THSD7B: variants seen among roughly 807,000 people sequenced by gnomAD.
The protein encoded by THSD7B is thrombospondin type 1 domain containing 7B.
A neutral mutation model predicts 213.6 loss-of-function variants in THSD7B; 138 were observed. That is an observed-to-expected ratio of 0.65 (90% CI 0.56 to 0.74). The LOEUF is 0.74. Among genes scored for constraint, THSD7B ranks in the 30% least tolerant of loss-of-function variants. The pLI is 0.00. For missense variants in THSD7B, 1,931 were observed against 1,991.5 expected, an observed-to-expected ratio of 0.97 and a Z score of 0.58; for synonymous variants, 742 against 687.0, an observed-to-expected ratio of 1.08 and a Z score of -1.25.
At chr2:136,929,361 T>C (rs536770415) in intron 2 of THSD7B, among the ~76,000 whole-genome samples, 101 of 152,338 alleles carry the variant, frequency 6.6e-4, no homozygotes, top group South Asian at 1.9e-3. Flanking sequence ...TTGCTATGAC[T>C]TCCCACTTCT....
chr2:136,943,684 A>G (rs1684874748), intron 2 of THSD7B, among the ~76,000 whole-genome samples: 1 of 152,148 alleles, frequency 6.6e-6, no homozygotes, highest in African/African-American at 2.4e-5. Flanking sequence ...TGTTTATAGT[A>G]TTCTCTGATG....
chr2:136,948,241 AT>A (rs1181216359), intron 2 of THSD7B, among the ~76,000 whole-genome samples: 1 of 152,154 alleles, frequency 6.6e-6, no homozygotes, highest in Non-Finnish European at 1.5e-5. Context: ...TGCACATGCC[AT>A]GCCCCTGCTC....
chr2:137,254,934 G>A (rs1383541715), intron 10 of THSD7B, among the ~76,000 whole-genome samples: 1 of 151,910 alleles, frequency 6.6e-6, no homozygotes, highest in East Asian at 1.9e-4. Context: ...GTGAGGGGGG[G>A]CTCTCATAGT....
chr2:137,567,679 ATGTC>A (rs1432003911), intron 16 of THSD7B, among the ~76,000 whole-genome samples: 1 of 152,148 alleles, frequency 6.6e-6, no homozygotes, highest in African/African-American at 2.4e-5. Context: ...AGCCTCAAAA[ATGTC>A]TGTTAGGTGG....
chr2:136,988,094 G>A (rs891746321), intron 2 of THSD7B, among the ~76,000 whole-genome samples: 5 of 152,036 alleles, frequency 3.3e-5, no homozygotes, highest in Admixed American at 2.0e-4. Context: ...ACCACAATCC[G>A]GTTTTAGAAT....
chr2:137,341,551 GTTATTT>G (rs1684761908), intron 12 of THSD7B, among the ~76,000 whole-genome samples: 1 of 151,224 alleles, frequency 6.6e-6, no homozygotes, highest in South Asian at 2.1e-4. Context: ...TTTTTTTGTT[GTTATTT>G]TTATTTTTCC....
intron 7 of THSD7B, among the ~76,000 whole-genome samples, chr2:137,182,162 A>G (rs1304092671): frequency 6.6e-6 from 1 of 152,104 alleles, no homozygotes; most frequent in Non-Finnish European, 1.5e-5. Context: ...AAGTATAACT[A>G]CCTCTTTAGA....
In THSD7B at chr2:137,310,869, TG is replaced by T. The variant is rs1221328751; in HGVS notation, c.2500+34844del. 6.6e-5 allele frequency among the ~76,000 whole-genome samples: 10 copies of T among 152,278 alleles called. 1 individual carries two copies. Among genetic ancestry groups the T allele is most frequent in the African/African-American group, 2.4e-4 (10 of 41,578 alleles). On this transcript the variant is annotated intron_variant, in intron 12 of 27. Transcript: ENST00000409968. ...GTTCCCTTCCATTGATCTATATCTC[TG>T]TTTTGGTACCAGTACCATGCTGTTT...
chr2:136,842,354 T>C (rs1682933112), intron 1 of THSD7B, among the ~76,000 whole-genome samples: 1 of 152,218 alleles, frequency 6.6e-6, no homozygotes, highest in South Asian at 2.1e-4. Context: ...AAATAATTGA[T>C]TCATTAATCT....
At chr2:136,902,008 A>G (rs1259388146) in intron 2 of THSD7B, among the ~76,000 whole-genome samples, 1 of 152,212 alleles carries the variant, frequency 6.6e-6, no homozygotes, top group East Asian at 1.9e-4. Flanking sequence ...GAATTAGTGG[A>G]CAGATGTAGA....
At chr2:137,117,402 A>G (rs1688463930) in intron 5 of THSD7B, among the ~76,000 whole-genome samples, 2 of 152,302 alleles carry the variant, frequency 1.3e-5, no homozygotes, top group African/African-American at 2.4e-5. Context: ...TTATCTGTCA[A>G]TGCAATAATA....
chr2:137,198,550 C>T (rs1443937418), intron 7 of THSD7B, among the ~76,000 whole-genome samples: 5 of 152,282 alleles, frequency 3.3e-5, no homozygotes, highest in South Asian at 4.1e-4. Flanking sequence ...AAGAGACTAA[C>T]GGTTTCAGCT....
At chr2:137,538,666 C>T (rs890816600) in intron 15 of THSD7B, among the ~76,000 whole-genome samples, 4 of 151,686 alleles carry the variant, frequency 2.6e-5, no homozygotes, top group Non-Finnish European at 4.4e-5. Context: ...TCAAACGTTG[C>T]TGTTGAATGA....
intron 1 of THSD7B, among the ~76,000 whole-genome samples, chr2:136,776,290 T>C (rs1375478615): frequency 6.6e-6 from 1 of 152,198 alleles, no homozygotes; most frequent in African/African-American, 2.4e-5. Flanking sequence ...AAAGTATTTA[T>C]ATTTTCTTTA....
chr2:137,485,648 T>G (rs4014249), intron 15 of THSD7B, among the ~76,000 whole-genome samples: 1 of 151,850 alleles, frequency 6.6e-6, no homozygotes, highest in Non-Finnish European at 1.5e-5. Flanking sequence ...ATACAGAGAA[T>G]GCCACAAAGA....
chr2:136,981,075 GTTTTAC>G (rs1419521874), intron 2 of THSD7B, among the ~76,000 whole-genome samples: 1 of 152,058 alleles, frequency 6.6e-6, no homozygotes, highest in African/African-American at 2.4e-5. Flanking sequence ...GGCCCCTCCT[GTTTTAC>G]TTTTATAAAA....
At chr2:137,540,502 C>A (rs1315431001) in intron 15 of THSD7B, among the ~76,000 whole-genome samples, 1 of 151,624 alleles carries the variant, frequency 6.6e-6, no homozygotes, top group Non-Finnish European at 1.5e-5. Context: ...CAACCAACCC[C>A]AACACCTAGC....
intron 2 of THSD7B, among the ~76,000 whole-genome samples, chr2:136,986,267 G>C (rs1232468839): frequency 6.6e-6 from 1 of 152,146 alleles, no homozygotes; most frequent in African/African-American, 2.4e-5. Context: ...GCCAGGGATG[G>C]AATGATATGA....
intron 15 of THSD7B, among the ~76,000 whole-genome samples, chr2:137,521,599 AGTT>A (rs1680185672): frequency 6.6e-6 from 1 of 152,122 alleles, no homozygotes; most frequent in South Asian, 2.1e-4. Context: ...AGGGGAATAA[AGTT>A]GTTAGTGTCT....
Sources: gnomAD v4.1 joint callset for allele counts (sites outside exome capture counted in the v4.1 genomes callset) on GRCh38, gnomAD v4.1.1 for gene constraint, MANE v1.5 for transcripts, NCBI Gene and HGNC (gene_info 2026-07-23, HGNC 2026-07-21) for gene names.